Variants in ULK4 observed in about 807,000 individuals in gnomAD.
The protein encoded by ULK4 is unc-51 like kinase 4.
In ULK4, 133 loss-of-function variants were observed where a neutral mutation model predicts 160.6. The ratio of observed to expected loss-of-function variants is 0.83; its 90% CI spans 0.72 to 0.96. The LOEUF (loss-of-function observed/expected upper bound fraction) is 0.96. Among genes scored for constraint, ULK4 ranks in the 40% least tolerant of loss-of-function variants. ULK4 has a pLI of 0.00. For synonymous variants in ULK4, 534 were observed against 539.8 expected (o/e 0.99, Z 0.15); for missense variants, 1,580 against 1,499.5 (o/e 1.05, Z -0.89).
At chr3:41,701,609 G>A (rs1262571433) in intron 27 of ULK4, among the ~76,000 whole-genome samples, 3 of 152,080 alleles carry the variant, frequency 2.0e-5, no homozygotes, top group African/African-American at 7.2e-5. Context: ...AGTGAAGACA[G>A]GAATGAAAAC....
chr3:41,480,855 G>T (rs2084300540), intron 32 of ULK4, among the ~76,000 whole-genome samples: 1 of 152,018 alleles, frequency 6.6e-6, no homozygotes, highest in Non-Finnish European at 1.5e-5. Flanking sequence ...GAGTGAAGGG[G>T]GTAAGGCCTC....
At chr3:41,795,660 T>G (rs2040281917) in intron 20 of ULK4, among the ~76,000 whole-genome samples, 1 of 152,264 alleles carries the variant, frequency 6.6e-6, no homozygotes, top group Admixed American at 6.5e-5. Flanking sequence ...CCTAGTACTA[T>G]GAATAAAGTA....
At chr3:41,946,591 A>G (rs1237475680) in intron 2 of ULK4, among the ~76,000 whole-genome samples, 2 of 152,134 alleles carry the variant, frequency 1.3e-5, no homozygotes, top group Non-Finnish European at 2.9e-5. Flanking sequence ...AATCCAGTAC[A>G]TTTCCCAATA....
At chr3:41,648,281 TTC>T (rs2125734227) in intron 30 of ULK4, among the ~76,000 whole-genome samples, 2 of 152,242 alleles carry the variant, frequency 1.3e-5, no homozygotes, top group South Asian at 4.1e-4. Flanking sequence ...ATCACCGGTC[TTC>T]TGTGTCGCTC....
chr3:41,553,823 T>TA (rs1437184281), intron 32 of ULK4, among the ~76,000 whole-genome samples: 3 of 152,106 alleles, frequency 2.0e-5, no homozygotes, highest in African/African-American at 7.2e-5. Context: ...CTTTGTGTTA[T>TA]AAAAAATCGA....
At chr3:41,642,651 C>T (rs1279056423) in intron 30 of ULK4, among the ~76,000 whole-genome samples, 2 of 152,152 alleles carry the variant, frequency 1.3e-5, no homozygotes, top group South Asian at 2.1e-4. Flanking sequence ...AATAAACATA[C>T]GTGTGCATGT....
chr3:41,776,501 A>G (rs925379060), intron 21 of ULK4, among the ~76,000 whole-genome samples: 3 of 151,012 alleles, frequency 2.0e-5, no homozygotes, highest in Admixed American at 6.6e-5. Context: ...GTCACACTAC[A>G]AAGTACTAAT....
chr3:41,832,371 C>T (rs1360309220), intron 18 of ULK4, among the ~76,000 whole-genome samples: 1 of 152,066 alleles, frequency 6.6e-6, no homozygotes, highest in Non-Finnish European at 1.5e-5. Context: ...ATCCTTTGCC[C>T]ACGTTTTTAT....
intron 31 of ULK4, among the ~76,000 whole-genome samples, chr3:41,600,774 C>A (rs2032011767): frequency 6.6e-6 from 1 of 152,206 alleles, no homozygotes; most frequent in Admixed American, 6.5e-5. Flanking sequence ...GTCCTGTGCT[C>A]ATTCTTTTCT....
chr3:41,849,769 C>T (rs2042163502), intron 17 of ULK4, among the ~76,000 whole-genome samples: 1 of 152,000 alleles, frequency 6.6e-6, no homozygotes, highest in Admixed American at 6.6e-5. Flanking sequence ...TGTCTTTGTG[C>T]CTTTCTCTCA....
At chr3:41,496,153 A>G (rs150025408) in intron 32 of ULK4, among the ~76,000 whole-genome samples, 1 of 152,260 alleles carries the variant, frequency 6.6e-6, no homozygotes, top group African/African-American at 2.4e-5. Flanking sequence ...AACCAACAAG[A>G]AAACACTAAA....
chr3:41,905,537 A>G (rs912177653), intron 12 of ULK4, among the ~76,000 whole-genome samples: 1 of 152,224 alleles, frequency 6.6e-6, no homozygotes, highest in African/African-American at 2.4e-5. Context: ...AAAGGACACC[A>G]TCAAGAAAGA....
At chr3:41,640,579 C>G (rs1314618773) in intron 30 of ULK4, among the ~76,000 whole-genome samples, 1 of 152,138 alleles carries the variant, frequency 6.6e-6, no homozygotes, top group Non-Finnish European at 1.5e-5. Flanking sequence ...CTCTGTCAAG[C>G]TTCAATAGGA....
chr3:41,830,203 G>A (rs559086629), intron 18 of ULK4, among the ~76,000 whole-genome samples: 48 of 151,220 alleles, frequency 3.2e-4, no homozygotes, highest in African/African-American at 8.7e-4. Context: ...GTTAAATGAC[G>A]AGTTAACGGG....
At position 41,907,907 on chromosome 3, in the gene ULK4, C is replaced by T. The variant is rs1223416375; in HGVS notation, c.1120G>A (p.Glu374Lys). Reference sequence around the variant, plus strand: ...GTCATATCCTCACCAGGACTTACTTCCACTGCAGTGCTAGTTCTGGGAGTA... The same window carrying T: ...GTCATATCCTCACCAGGACTTACTTTCACTGCAGTGCTAGTTCTGGGAGTA... ...RPTPRTSTAVEVSPGEDMTHC... is the reference protein window; with the variant it reads ...RPTPRTSTAVKVSPGEDMTHC... The change falls in exon 12 of 37, where the codon GAA becomes AAA. Residue 374 changes from glutamate to lysine, a missense_variant. Glu to Lys is a moderately conservative substitution (Grantham distance 56, BLOSUM62 1). Coordinates refer to ENST00000301831, the MANE Select transcript of ULK4 (RefSeq NM_017886.4). 1 of 1,606,414 alleles carries T rather than the reference C, an allele frequency of 6.2e-7. No individual in the cohort carries two copies. Among genetic ancestry groups the T allele is most frequent in the East Asian group, 2.3e-5 (1 of 44,180 alleles).
chr3:41,471,674 G>T (rs1055031916), intron 32 of ULK4, among the ~76,000 whole-genome samples: 2 of 151,856 alleles, frequency 1.3e-5, no homozygotes, highest in Admixed American at 1.3e-4. Context: ...CAAATAGGAT[G>T]GTATGAAACT....
At chr3:41,804,298 C>A (rs972249253) in intron 19 of ULK4, among the ~76,000 whole-genome samples, 2 of 152,172 alleles carry the variant, frequency 1.3e-5, no homozygotes, top group African/African-American at 4.8e-5. Flanking sequence ...TGAGAAGTGT[C>A]TGTTCATGTC....
intron 31 of ULK4, among the ~76,000 whole-genome samples, chr3:41,606,029 G>A (rs926804986): frequency 6.6e-6 from 1 of 151,958 alleles, no homozygotes; most frequent in African/African-American, 2.4e-5. Flanking sequence ...AGGAAAATTT[G>A]AAATTATGTT....
At chr3:41,955,397 C>T (rs2148846766) in intron 1 of ULK4, 1 of 152,420 alleles carries the variant, frequency 6.6e-6, no homozygotes, top group East Asian at 1.9e-4. Flanking sequence ...TCCCAGCATT[C>T]CGTGCGGTCG....
Sources: allele counts gnomAD v4.1 joint callset (sites outside exome capture counted in the v4.1 genomes callset), GRCh38; gene constraint gnomAD v4.1.1; transcripts MANE v1.5; gene names NCBI Gene and HGNC (gene_info 2026-07-23, HGNC 2026-07-21).